The following GLCCI1 variants were observed in gnomAD, a reference collection of about 807,000 sequenced individuals.
GLCCI1 encodes glucocorticoid induced 1.
GLCCI1 carries 24 observed loss-of-function variants against 52.2 expected under a neutral mutation model. The ratio of observed to expected loss-of-function variants is 0.46; its 90% CI spans 0.33 to 0.65. The LOEUF (loss-of-function observed/expected upper bound fraction) is 0.65. GLCCI1 is among the 30% of genes least tolerant of loss of function. The pLI, the probability that GLCCI1 is intolerant of heterozygous loss-of-function variation, is 0.02. For missense variants in GLCCI1, 704 were observed against 701.5 expected (o/e 1.00, Z -0.04); for synonymous variants, 310 against 276.5 (o/e 1.12, Z -1.20).
intron 3 of GLCCI1, among the ~76,000 whole-genome samples, chr7:8,023,488 T>G (rs1442908229): frequency 6.6e-6 from 1 of 151,916 alleles, no homozygotes; most frequent in Non-Finnish European, 1.5e-5. Context: ...TCTTTTCTAT[T>G]TCTTTTTACA....
In GLCCI1 at chr7:7,969,095, G is replaced by T; in HGVS notation, c.-256G>T. 4.8e-6 allele frequency: 1 copy of T among 206,380 alleles called. No individual in the cohort carries two copies. Among genetic ancestry groups the T allele is most frequent in the South Asian group, 1.4e-4 (1 of 7,184 alleles). 12.8% of individuals were successfully genotyped at this position (206,380 alleles called of 1,614,324 possible). A position where few individuals can be genotyped will look rare whatever the true frequency, so the allele number is the denominator to read the frequency against. On this transcript the variant is annotated 5_prime_UTR_variant, in exon 1 of 8. It removes the in-frame stop codon of an upstream open reading frame in the 5' UTR. Coordinates refer to ENST00000223145, the MANE Select transcript of GLCCI1 (RefSeq NM_138426.4). The surrounding 1 kb of genome is among the most constrained non-coding windows in gnomAD (Gnocchi z 4.9). ...CCGGGCTCCTTGCGGCCCCGGCCGT[G>T]ACCGCCACACCGAGCCCAGCCGGGC...
chr7:7,995,813 A>C (rs1780927147), intron 1 of GLCCI1, among the ~76,000 whole-genome samples: 1 of 152,168 alleles, frequency 6.6e-6, no homozygotes, highest in Admixed American at 6.5e-5. Flanking sequence ...TGACGAGTTA[A>C]TGGGTGCAGC....
chr7:8,032,217 G>A (rs1781769094), intron 3 of GLCCI1, among the ~76,000 whole-genome samples: 1 of 151,964 alleles, frequency 6.6e-6, no homozygotes. Context: ...TTTCAATTGA[G>A]TGAAAATGAA....
chr7:8,031,352 G>C (rs770414235), intron 3 of GLCCI1, among the ~76,000 whole-genome samples: 16 of 152,048 alleles, frequency 1.1e-4, no homozygotes, highest in Non-Finnish European at 2.2e-4. Context: ...CAAAACAATA[G>C]AACTCGTGGA....
In GLCCI1 at chr7:8,088,840, T is replaced by C. The variant is rs1363407750; in HGVS notation, c.*2302T>C. ...ATGTGTTAAAGCTTACGCTTTGCCA[T>C]GTAAATTTCCCAGAAGTTGTTGAGC... On this transcript the variant is annotated 3_prime_UTR_variant, in exon 8 of 8. Transcript: ENST00000223145. 1 of 152,706 alleles carries C rather than the reference T, an allele frequency of 6.5e-6. No homozygotes were observed. Among genetic ancestry groups the C allele is most frequent in the Non-Finnish European group, 1.5e-5 (1 of 68,046 alleles). 9.5% of individuals were successfully genotyped at this position (152,706 alleles called of 1,614,324 possible). A position where few individuals can be genotyped will look rare whatever the true frequency, so the allele number is the denominator to read the frequency against.
At chr7:8,051,096 T>C (rs895376005) in intron 3 of GLCCI1, among the ~76,000 whole-genome samples, 3 of 152,340 alleles carry the variant, frequency 2.0e-5, no homozygotes, top group African/African-American at 7.2e-5. Flanking sequence ...AGGCAGAATG[T>C]GCATCATCAG....
chr7:8,076,309 T>G (rs946154081), intron 6 of GLCCI1, among the ~76,000 whole-genome samples: 2 of 152,212 alleles, frequency 1.3e-5, no homozygotes, highest in Admixed American at 6.5e-5. Flanking sequence ...TATCAAAATA[T>G]TCTCTTTATA....
chr7:8,087,583 CAT>C lies in GLCCI1; in HGVS notation c.*1048_*1049del, dbSNP rs1783144314. 1 of 152,444 alleles carries C rather than the reference CAT, an allele frequency of 6.6e-6. No individual in the cohort carries two copies. The highest frequency in any genetic ancestry group is 2.4e-5 in the African/African-American group (1 of 41,412). The allele number at this position is 152,444 out of a possible 1,614,324, so 9.4% of individuals were successfully genotyped here. A position where few individuals can be genotyped will look rare whatever the true frequency, so the allele number is the denominator to read the frequency against. On this transcript the variant is annotated 3_prime_UTR_variant, in exon 8 of 8. Transcript: ENST00000223145. ...TAACTGTTACCATTTTATCTAAAGA[CAT>C]ATTTATATTTAGTTTCTCCCTTGGA... is the stretch of plus-strand genomic sequence containing the variant.
intron 6 of GLCCI1, among the ~76,000 whole-genome samples, chr7:8,073,011 C>A (rs1327528049): frequency 6.6e-6 from 1 of 152,100 alleles, no homozygotes; most frequent in African/African-American, 2.4e-5. Flanking sequence ...AGTGCATGTT[C>A]TTTAATATAT....
chr7:7,984,620 T>TA (rs762470984), intron 1 of GLCCI1, among the ~76,000 whole-genome samples: 1 of 152,246 alleles, frequency 6.6e-6, no homozygotes, highest in African/African-American at 2.4e-5. Context: ...TACAAAATGT[T>TA]ATTTACGCAA....
chr7:8,012,348 TC>T (rs1221864904), intron 2 of GLCCI1, among the ~76,000 whole-genome samples: 6 of 152,060 alleles, frequency 3.9e-5, no homozygotes, highest in African/African-American at 1.4e-4. Flanking sequence ...TTTTAGGAGT[TC>T]TTTATATATA....
At chr7:7,976,882 A>G (rs1780483789) in intron 1 of GLCCI1, among the ~76,000 whole-genome samples, 1 of 151,464 alleles carries the variant, frequency 6.6e-6, no homozygotes, top group South Asian at 2.1e-4. Flanking sequence ...AAATCACCCT[A>G]CTGCACTCCA....
At chr7:8,080,619 C>G (rs1782974913) in intron 6 of GLCCI1, among the ~76,000 whole-genome samples, 1 of 151,340 alleles carries the variant, frequency 6.6e-6, no homozygotes, top group Non-Finnish European at 1.5e-5. Context: ...AAAATTGTAT[C>G]TGTATGTACC....
chr7:8,022,475 T>C lies in GLCCI1; in HGVS notation c.610-8T>C. 1.3e-6 allele frequency: 2 copies of C among 1,498,338 alleles called. No individual in the cohort carries two copies. The highest frequency in any genetic ancestry group is 9.0e-7 in the Non-Finnish European group (1 of 1,114,780). 92.8% of individuals were successfully genotyped at this position (1,498,338 alleles called of 1,614,324 possible). A position where few individuals can be genotyped will look rare whatever the true frequency, so the allele number is the denominator to read the frequency against. On this transcript the variant is annotated splice_region_variant and splice_polypyrimidine_tract_variant and intron_variant, in intron 2 of 7. Transcript: ENST00000223145. Reference sequence around the variant, plus strand: ...TTCTTATTTTATTTATATATATATTTTTTAAAGACACCTAGCTGTTGGGCA... The same window carrying C: ...TTCTTATTTTATTTATATATATATTCTTTAAAGACACCTAGCTGTTGGGCA...
chr7:7,979,541 A>G (rs551231650), intron 1 of GLCCI1, among the ~76,000 whole-genome samples: 12 of 152,232 alleles, frequency 7.9e-5, no homozygotes, highest in South Asian at 2.1e-4. Context: ...GGTTCATCCT[A>G]TGGTTTCTAT....
rs1166762297 is a variant in GLCCI1 at position 8,060,079 on chromosome 7, T to A, written c.814-17T>A. 1.1e-5 allele frequency: 17 copies of A among 1,600,380 alleles called. No homozygotes were observed. The highest frequency in any genetic ancestry group is 1.4e-5 in the Non-Finnish European group (17 of 1,175,102). Reference sequence around the variant, plus strand: ...TGACCACAAATAATTTGATACCACCTTTATCTTATCTCATAGGCTACTGGA... The same window carrying A: ...TGACCACAAATAATTTGATACCACCATTATCTTATCTCATAGGCTACTGGA... On this transcript the variant is annotated splice_polypyrimidine_tract_variant and intron_variant, in intron 4 of 7. Coordinates refer to ENST00000223145, the MANE Select transcript of GLCCI1 (RefSeq NM_138426.4).
intron 4 of GLCCI1, among the ~76,000 whole-genome samples, chr7:8,059,744 T>G (rs560568459): frequency 6.6e-6 from 1 of 152,338 alleles, no homozygotes; most frequent in African/African-American, 2.4e-5. Context: ...ACTTACATGA[T>G]ACATTTAAGT....
chr7:8,003,478 A>G (rs1389066665), intron 1 of GLCCI1, among the ~76,000 whole-genome samples: 2 of 152,228 alleles, frequency 1.3e-5, no homozygotes, highest in Non-Finnish European at 2.9e-5. Flanking sequence ...ATTATGTCAT[A>G]CTAAATAATA....
chr7:8,063,094 C>T (rs905948242), intron 5 of GLCCI1, among the ~76,000 whole-genome samples: 2 of 152,128 alleles, frequency 1.3e-5, no homozygotes, highest in African/African-American at 4.8e-5. Context: ...AGTGTATAAG[C>T]ATTCCCTTTT....
Sources: gnomAD v4.1 joint callset for allele counts (sites outside exome capture counted in the v4.1 genomes callset) on GRCh38, gnomAD v4.1.1 for gene constraint, Gnocchi (gnomAD v3.1) non-coding constraint, MANE v1.5 for transcripts, NCBI Gene and HGNC (gene_info 2026-07-23, HGNC 2026-07-21) for gene names.